The following SDK1 variants were observed in gnomAD, a reference collection of about 807,000 sequenced individuals.
SDK1 encodes protein sidekick-1.
Under a neutral mutation model 245.5 loss-of-function variants are expected in SDK1, and 157 were observed. The observed-to-expected ratio is 0.64, with a 90% CI of 0.56 to 0.73. SDK1 has a LOEUF of 0.73. Among genes scored for constraint, SDK1 ranks in the 30% least tolerant of loss-of-function variants. The pLI is 0.00. For missense variants in SDK1, 3,583 were observed against 3,002.3 expected (o/e 1.19, Z -4.52); for synonymous variants, 1,647 against 1,278.5 (o/e 1.29, Z -6.15).
chr7:3,496,675 T>C (rs1252715392), intron 1 of SDK1, among the ~76,000 whole-genome samples: 1 of 152,240 alleles, frequency 6.6e-6, no homozygotes, highest in Non-Finnish European at 1.5e-5. Context: ...TTTATATGTC[T>C]CCTTTCTTTT....
intron 1 of SDK1, among the ~76,000 whole-genome samples, chr7:3,617,426 C>T (rs750008244): frequency 3.3e-5 from 5 of 152,090 alleles, no homozygotes; most frequent in Non-Finnish European, 5.9e-5. Flanking sequence ...TTTAGTTAAC[C>T]TGAAGGATGA....
chr7:3,990,406 C>T (rs568472636), intron 14 of SDK1, among the ~76,000 whole-genome samples: 27 of 152,354 alleles, frequency 1.8e-4, no homozygotes, highest in South Asian at 6.2e-4. Context: ...TGTGTGCAGA[C>T]GGCCATCTTA....
intron 13 of SDK1, among the ~76,000 whole-genome samples, chr7:3,985,230 A>G (rs1464089367): frequency 1.3e-5 from 2 of 152,234 alleles, no homozygotes; most frequent in African/African-American, 4.8e-5. Context: ...CGTCCCAGTC[A>G]CTCAGGAAAC....
chr7:4,088,567 T>A (rs1012621326), intron 22 of SDK1, among the ~76,000 whole-genome samples: 4 of 149,824 alleles, frequency 2.7e-5, no homozygotes, highest in Admixed American at 2.7e-4. Context: ...TTTTTTTTTT[T>A]AAAGCATAAA....
intron 41 of SDK1, among the ~76,000 whole-genome samples, chr7:4,236,693 A>G (rs1010658146): frequency 2.0e-5 from 3 of 151,950 alleles, no homozygotes; most frequent in Admixed American, 6.6e-5. Context: ...CTATCGGAGG[A>G]AGACCTCTCT....
intron 5 of SDK1, among the ~76,000 whole-genome samples, chr7:3,852,334 T>G (rs1583477435): frequency 6.6e-6 from 1 of 152,242 alleles, no homozygotes; most frequent in East Asian, 1.9e-4. Context: ...GTTTGGAAGA[T>G]ATGTGCTGCA....
At chr7:3,386,434 C>T (rs992610173) in intron 1 of SDK1, among the ~76,000 whole-genome samples, 1 of 152,124 alleles carries the variant, frequency 6.6e-6, no homozygotes, top group African/African-American at 2.4e-5. Context: ...TTTTGTCAGA[C>T]TCTTGGAATC....
At chr7:3,519,703 G>T (rs1782872253) in intron 1 of SDK1, among the ~76,000 whole-genome samples, 1 of 151,954 alleles carries the variant, frequency 6.6e-6, no homozygotes, top group Non-Finnish European at 1.5e-5. Context: ...ATATGTAGAG[G>T]ATTAGTAATT....
chr7:4,090,283 C>G (rs1403966915), intron 22 of SDK1, among the ~76,000 whole-genome samples: 1 of 152,176 alleles, frequency 6.6e-6, no homozygotes, highest in Admixed American at 6.5e-5. Flanking sequence ...GTCTCATCCA[C>G]CAGTTTGTCA....
chr7:3,833,843 C>T (rs1377382657), intron 5 of SDK1, among the ~76,000 whole-genome samples: 1 of 152,194 alleles, frequency 6.6e-6, no homozygotes, highest in Non-Finnish European at 1.5e-5. Flanking sequence ...ATCTAGGAAG[C>T]AGTTCTACTT....
chr7:3,342,511 C>T (rs2128554963), intron 1 of SDK1, among the ~76,000 whole-genome samples: 1 of 152,108 alleles, frequency 6.6e-6, no homozygotes, highest in African/African-American at 2.4e-5. Context: ...TCGCTTGAAC[C>T]CAGGAGGTGG....
intron 1 of SDK1, among the ~76,000 whole-genome samples, chr7:3,351,382 A>T (rs555823726): frequency 2.8e-4 from 42 of 152,332 alleles, no homozygotes; most frequent in Non-Finnish European, 5.1e-4. Flanking sequence ...ACCACTGTCT[A>T]CTATGAAGAC....
intron 14 of SDK1, among the ~76,000 whole-genome samples, chr7:3,990,736 C>G (rs545584065): frequency 6.6e-6 from 1 of 152,204 alleles, no homozygotes; most frequent in Non-Finnish European, 1.5e-5. Flanking sequence ...ATTCATCTCT[C>G]CAGTGGAGTC....
At position 4,267,511 on chromosome 7, in the gene SDK1, G is replaced by A. The variant is rs112011450; in HGVS notation, c.*2127G>A. The A allele has an allele frequency of 3.4e-3, 3,303 of 985,422 alleles. 70 individuals are homozygous for A. The African/African-American group carries it at 0.053, about 16-fold the overall frequency. 61.0% of individuals were successfully genotyped at this position (985,422 alleles called of 1,614,324 possible). ...CCTTCCCCTCGGCCCCGGAGAGGGC[G>A]AAGTGGGCGGGAAGCCAGGATGTGA... On this transcript the variant is annotated 3_prime_UTR_variant, in exon 45 of 45. Coordinates refer to ENST00000404826, the MANE Select transcript of SDK1 (RefSeq NM_152744.4).
At chr7:3,468,656 G>T (rs1344412000) in intron 1 of SDK1, among the ~76,000 whole-genome samples, 1 of 152,122 alleles carries the variant, frequency 6.6e-6, no homozygotes, top group South Asian at 2.1e-4. Context: ...TTGAATACAT[G>T]CCCAGAGAGG....
chr7:3,352,928 G>C (rs560991164), intron 1 of SDK1, among the ~76,000 whole-genome samples: 12 of 152,208 alleles, frequency 7.9e-5, no homozygotes, highest in African/African-American at 2.7e-4. Context: ...TCACATCATG[G>C]ATGCAGGAAC....
chr7:3,628,167 C>G (rs907426951), intron 2 of SDK1, among the ~76,000 whole-genome samples: 13 of 152,068 alleles, frequency 8.5e-5, no homozygotes, highest in Admixed American at 3.3e-4. Flanking sequence ...GAGTGTTTAA[C>G]TGTTCTATCA....
chr7:3,570,190 G>A (rs897327300), intron 1 of SDK1, among the ~76,000 whole-genome samples: 6 of 152,116 alleles, frequency 3.9e-5, no homozygotes, highest in African/African-American at 1.4e-4. Context: ...ATCAGGACTG[G>A]TTTCATGGAA....
intron 4 of SDK1, among the ~76,000 whole-genome samples, chr7:3,651,961 A>G (rs1380460197): frequency 6.6e-6 from 1 of 152,178 alleles, no homozygotes; most frequent in Non-Finnish European, 1.5e-5. Context: ...AAGCCTGAGA[A>G]TTTATATTTC....
Sources: allele counts gnomAD v4.1 joint callset (sites outside exome capture counted in the v4.1 genomes callset), GRCh38; gene constraint gnomAD v4.1.1; transcripts MANE v1.5; gene names NCBI Gene and HGNC (gene_info 2026-07-23, HGNC 2026-07-21).